The following SH2D4A variants were observed in gnomAD, a reference collection of about 807,000 sequenced individuals.
SH2D4A encodes SH2 domain-containing protein 4A.
Under a neutral mutation model 64.7 loss-of-function variants are expected in SH2D4A, and 70 were observed. The ratio of observed to expected loss-of-function variants is 1.08; its 90% CI spans 0.89 to 1.32. The LOEUF (loss-of-function observed/expected upper bound fraction) is 1.32. SH2D4A is among the 40% of genes most tolerant of loss of function. The pLI is 0.00. For synonymous variants in SH2D4A, 268 were observed against 200.7 expected (o/e 1.34, Z -2.83); for missense variants, 706 against 540.1 (o/e 1.31, Z -3.04).
At chr8:19,323,867 C>T (rs901105649) in intron 2 of SH2D4A, among the ~76,000 whole-genome samples, 2 of 152,138 alleles carry the variant, frequency 1.3e-5, no homozygotes, top group African/African-American at 2.4e-5. Context: ...GTGTGTGTTG[C>T]TATTCACTTT....
chr8:19,361,215 A>G lies in SH2D4A; in HGVS notation c.607A>G (p.Met203Val), dbSNP rs1256211881. 2.6e-6 allele frequency: 4 copies of G among 1,521,632 alleles called. No homozygotes were observed. The highest frequency in any genetic ancestry group is 1.2e-5 in the South Asian group (1 of 85,326). The allele number at this position is 1,521,632 out of a possible 1,614,324, so 94.3% of individuals were successfully genotyped here. The change falls in exon 6 of 10, where the codon ATG (methionine) becomes GTG (valine). Residue 203 changes from methionine (M) to valine (V), a missense_variant. Coordinates refer to ENST00000265807, the MANE Select transcript of SH2D4A (RefSeq NM_022071.4). ...TGTTTTTAAACAGAAGAAAGAATCT[A>G]TGAAGAAAAAACAAGATGAAGAAAT... ...AYAFHQKKES[M>V]KKKQDEEINQ...
intron 1 of SH2D4A, among the ~76,000 whole-genome samples, chr8:19,318,085 T>A (rs560662697): frequency 2.0e-5 from 3 of 152,164 alleles, no homozygotes; most frequent in African/African-American, 7.2e-5. Context: ...ATTTTTTGTT[T>A]TTTTAGTAGA....
intron 7 of SH2D4A, among the ~76,000 whole-genome samples, chr8:19,370,584 A>G (rs552923964): frequency 1.3e-5 from 2 of 152,208 alleles, no homozygotes; most frequent in South Asian, 2.1e-4. Flanking sequence ...ATTTGCATAC[A>G]ATGTTTTTTC....
At chr8:19,365,883 G>GT (rs1308961018) in intron 7 of SH2D4A, among the ~76,000 whole-genome samples, 1 of 152,252 alleles carries the variant, frequency 6.6e-6, no homozygotes, top group East Asian at 1.9e-4. Context: ...TTGGAAGCTA[G>GT]TAAGAGAATG....
At chr8:19,336,707 A>G (rs1373622146) in intron 4 of SH2D4A, among the ~76,000 whole-genome samples, 2 of 151,984 alleles carry the variant, frequency 1.3e-5, no homozygotes, top group Non-Finnish European at 2.9e-5. Flanking sequence ...TCTACAAAAA[A>G]TTAAAAAAAA....
chr8:19,334,656 T>C, intron 3 of SH2D4A, 30 bp from the exon 4 acceptor site: 2 of 1,566,826 alleles, frequency 1.3e-6, no homozygotes, highest in Non-Finnish European at 1.7e-6. Context: ...AAGAATGTTT[T>C]TTGAGAATTT....
intron 9 of SH2D4A, 89 bp downstream of exon 9, chr8:19,393,630 G>A (rs1427646195): frequency 7.5e-7 from 1 of 1,339,260 alleles, no homozygotes; most frequent in African/African-American, 1.4e-5. Context: ...GAAAAGGACT[G>A]AGACAAGTAC....
At chr8:19,390,109 CCTATCATCCCA>C (rs756855661) in intron 8 of SH2D4A, among the ~76,000 whole-genome samples, 30 of 152,242 alleles carry the variant, frequency 2.0e-4, no homozygotes, top group Non-Finnish European at 3.5e-4. Context: ...GTGGCTCACG[CCTATCATCCCA>C]CTATCATCCC....
At chr8:19,320,501 A>G (rs2052169739) in intron 2 of SH2D4A, among the ~76,000 whole-genome samples, 1 of 151,814 alleles carries the variant, frequency 6.6e-6, no homozygotes, top group African/African-American at 2.4e-5. Context: ...GTACATGCCT[A>G]TAGTCCCAAC....
intron 7 of SH2D4A, among the ~76,000 whole-genome samples, chr8:19,369,069 C>T (rs2053050627): frequency 6.6e-6 from 1 of 151,958 alleles, no homozygotes; most frequent in African/African-American, 2.4e-5. Context: ...AATGCTTTAC[C>T]TGTGTCTGTT....
chr8:19,389,374 T>A (rs1199213909), intron 8 of SH2D4A, among the ~76,000 whole-genome samples: 1 of 152,212 alleles, frequency 6.6e-6, no homozygotes, highest in Non-Finnish European at 1.5e-5. Context: ...CCTAAACACA[T>A]GTGGCTTTTC....
At chr8:19,372,814 C>T (rs185006182) in intron 7 of SH2D4A, among the ~76,000 whole-genome samples, 4 of 151,750 alleles carry the variant, frequency 2.6e-5, no homozygotes, top group Admixed American at 2.6e-4. Flanking sequence ...ACTTCAAATA[C>T]TCTTCTTCCT....
At chr8:19,332,288 G>A (rs1208795624) in intron 2 of SH2D4A, among the ~76,000 whole-genome samples, 3 of 152,004 alleles carry the variant, frequency 2.0e-5, no homozygotes, top group Admixed American at 6.6e-5. Flanking sequence ...TTACCCTAAA[G>A]GATAATGCAA....
chr8:19,373,312 TTC>T (rs1285913975), intron 7 of SH2D4A, among the ~76,000 whole-genome samples: 4 of 149,820 alleles, frequency 2.7e-5, no homozygotes, highest in East Asian at 1.9e-4. Flanking sequence ...CTCCCTCCCA[TTC>T]TCTCTCTCCC....
intron 5 of SH2D4A, among the ~76,000 whole-genome samples, chr8:19,360,299 T>TC (rs1176333513): frequency 6.6e-6 from 1 of 151,780 alleles, no homozygotes; most frequent in Non-Finnish European, 1.5e-5. Flanking sequence ...TTTTCTGTTT[T>TC]TTTTTTTTTT....
intron 2 of SH2D4A, among the ~76,000 whole-genome samples, chr8:19,328,728 T>C (rs1417450707): frequency 6.6e-6 from 1 of 152,200 alleles, no homozygotes; most frequent in Non-Finnish European, 1.5e-5. Context: ...TATTCGTGCA[T>C]TCTTCATTGG....
At chr8:19,379,230 G>C (rs2053249561) in intron 8 of SH2D4A, among the ~76,000 whole-genome samples, 2 of 152,124 alleles carry the variant, frequency 1.3e-5, no homozygotes, top group African/African-American at 2.4e-5. Flanking sequence ...CTATGAATCT[G>C]ACTATTCTAA....
intron 2 of SH2D4A, among the ~76,000 whole-genome samples, chr8:19,324,133 T>C (rs2052235037): frequency 6.6e-6 from 1 of 152,226 alleles, no homozygotes; most frequent in Non-Finnish European, 1.5e-5. Context: ...GCGTCAGGAA[T>C]CTGCCACAGA....
At chr8:19,374,081 C>A (rs574421022) in intron 8 of SH2D4A, among the ~76,000 whole-genome samples, 1 of 152,168 alleles carries the variant, frequency 6.6e-6, no homozygotes, top group Non-Finnish European at 1.5e-5. Context: ...TTACTTTTTC[C>A]GTAGGAAATC....
Sources: allele counts gnomAD v4.1 joint callset (sites outside exome capture counted in the v4.1 genomes callset), GRCh38; gene constraint gnomAD v4.1.1; transcripts MANE v1.5; gene names NCBI Gene and HGNC (gene_info 2026-07-23, HGNC 2026-07-21).